UGT1A8: variants seen among roughly 807,000 people sequenced by gnomAD.
The protein encoded by UGT1A8 is UDP-glucuronosyltransferase 1A8.
A neutral mutation model predicts 45.3 loss-of-function variants in UGT1A8; 39 were observed. That is an observed-to-expected ratio of 0.86 (90% CI 0.67 to 1.12). The LOEUF (loss-of-function observed/expected upper bound fraction) is 1.12, where lower values mean the gene tolerates loss of function less well. Among genes scored for constraint, UGT1A8 ranks in the 50% most tolerant of loss-of-function variants. The pLI is 0.00. For missense variants in UGT1A8, 719 were observed against 664.9 expected, an observed-to-expected ratio of 1.08 and a Z score of -0.90; for synonymous variants, 275 against 249.2, an observed-to-expected ratio of 1.10 and a Z score of -0.97.
intron 1 of UGT1A8, among the ~76,000 whole-genome samples, chr2:233,619,339 ATTGATATATGT>A (rs1288421311): frequency 6.6e-6 from 1 of 152,144 alleles, no homozygotes. Flanking sequence ...ACCAATTAAT[ATTGATATATGT>A]TTAGGCATTT....
At chr2:233,646,883 C>T (rs1411415408) in intron 1 of UGT1A8, among the ~76,000 whole-genome samples, 7 of 152,176 alleles carry the variant, frequency 4.6e-5, no homozygotes, top group African/African-American at 1.7e-4. Context: ...AGTAGCAATC[C>T]ACTCTACTGG....
chr2:233,700,469 A>G (rs997170910), intron 1 of UGT1A8, among the ~76,000 whole-genome samples: 5 of 152,226 alleles, frequency 3.3e-5, no homozygotes, highest in Admixed American at 3.3e-4. Context: ...AGCTAAAAAA[A>G]GTATTCAACA....
intron 1 of UGT1A8, among the ~76,000 whole-genome samples, chr2:233,720,365 G>C (rs920594093): frequency 6.6e-6 from 1 of 152,064 alleles, no homozygotes; most frequent in East Asian, 1.9e-4. Context: ...ATGTCAAAAG[G>C]GTCTTCTACT....
At chr2:233,755,026 G>C (rs776900288) in intron 1 of UGT1A8, 1 of 1,306,868 alleles carries the variant, frequency 7.7e-7, no homozygotes, top group Admixed American at 1.9e-5. Context: ...TCCTTGAAGG[G>C]CCTGCCGCCT....
chr2:233,640,753 C>T (rs1334385606), intron 1 of UGT1A8, among the ~76,000 whole-genome samples: 2 of 152,106 alleles, frequency 1.3e-5, no homozygotes, highest in African/African-American at 4.8e-5. Flanking sequence ...GGCCAACAAT[C>T]TTAGGTAGGG....
At chr2:233,667,255 C>T (rs1398864007) in intron 1 of UGT1A8, among the ~76,000 whole-genome samples, 2 of 152,154 alleles carry the variant, frequency 1.3e-5, no homozygotes, top group Non-Finnish European at 2.9e-5. Flanking sequence ...AACTAGTTTA[C>T]AGTCCCACAA....
chr2:233,659,576 A>T (rs2073925468), intron 1 of UGT1A8, among the ~76,000 whole-genome samples: 1 of 152,074 alleles, frequency 6.6e-6, no homozygotes, highest in Non-Finnish European at 1.5e-5. Flanking sequence ...GAGGAAGAGG[A>T]GGGGTTGGTC....
intron 1 of UGT1A8, chr2:233,755,763 T>G (rs1382676061): frequency 6.5e-6 from 1 of 152,928 alleles, no homozygotes; most frequent in Non-Finnish European, 1.5e-5. Context: ...TTTGCTTTTG[T>G]TCATCTGGAT....
intron 1 of UGT1A8, among the ~76,000 whole-genome samples, chr2:233,619,600 T>A (rs1336452192): frequency 6.6e-6 from 1 of 152,188 alleles, no homozygotes; most frequent in Non-Finnish European, 1.5e-5. Flanking sequence ...AAATTTTCAC[T>A]ATATAAGCAT....
chr2:233,767,556 C>T (rs1699418440), intron 2 of UGT1A8, among the ~76,000 whole-genome samples: 1 of 152,172 alleles, frequency 6.6e-6, no homozygotes, highest in African/African-American at 2.4e-5. Flanking sequence ...GTTCTGCATC[C>T]ACTTGTTTCA....
intron 1 of UGT1A8, among the ~76,000 whole-genome samples, chr2:233,647,124 G>A (rs752045421): frequency 5.3e-5 from 8 of 152,144 alleles, no homozygotes; most frequent in Non-Finnish European, 1.0e-4. Flanking sequence ...ACCAGATCTC[G>A]TGAGACTTAC....
chr2:233,762,993 G>T (rs1698210222), intron 1 of UGT1A8, among the ~76,000 whole-genome samples: 1 of 152,172 alleles, frequency 6.6e-6, no homozygotes, highest in Non-Finnish European at 1.5e-5. Flanking sequence ...AGTGGAAATT[G>T]ATTATCATTT....
intron 1 of UGT1A8, among the ~76,000 whole-genome samples, chr2:233,699,217 A>G (rs17863786): frequency 0.034 from 5,148 of 152,236 alleles, 109 homozygotes; most frequent in African/African-American, 0.056. Flanking sequence ...CATGAAAAAA[A>G]AACAAAAACG....
intron 1 of UGT1A8, among the ~76,000 whole-genome samples, chr2:233,717,530 G>A (rs1276644259): frequency 6.6e-6 from 1 of 152,220 alleles, no homozygotes; most frequent in African/African-American, 2.4e-5. Flanking sequence ...CCTCCATAAG[G>A]GAAGCCTCAG....
chr2:233,679,009 C>T (rs942961377), intron 1 of UGT1A8, among the ~76,000 whole-genome samples: 1 of 152,216 alleles, frequency 6.6e-6, no homozygotes, highest in Non-Finnish European at 1.5e-5. Context: ...GTGGCATCTT[C>T]AGTGGTGTAA....
chr2:233,744,767 T>G (rs1692915618), intron 1 of UGT1A8, among the ~76,000 whole-genome samples: 1 of 151,916 alleles, frequency 6.6e-6, no homozygotes, highest in Non-Finnish European at 1.5e-5. Flanking sequence ...GTTTTAACTT[T>G]GCAAAATTCT....
chr2:233,699,298 T>C (rs2075497372), intron 1 of UGT1A8, among the ~76,000 whole-genome samples: 1 of 152,206 alleles, frequency 6.6e-6, no homozygotes, highest in Admixed American at 6.5e-5. Flanking sequence ...GGGACACTCT[T>C]ATGCTGTCCT....
At chr2:233,726,238 A>G (rs935075477) in intron 1 of UGT1A8, among the ~76,000 whole-genome samples, 11 of 152,220 alleles carry the variant, frequency 7.2e-5, no homozygotes, top group East Asian at 3.8e-4. Context: ...TAAAACTCCA[A>G]TATGAAAAGC....
intron 1 of UGT1A8, among the ~76,000 whole-genome samples, chr2:233,665,135 T>G (rs2074046506): frequency 6.6e-6 from 1 of 152,236 alleles, no homozygotes; most frequent in Non-Finnish European, 1.5e-5. Flanking sequence ...GACATATTGT[T>G]CTTTACTTTG....
Sources: allele counts gnomAD v4.1 joint callset (sites outside exome capture counted in the v4.1 genomes callset), GRCh38; gene constraint gnomAD v4.1.1; transcripts MANE v1.5; gene names NCBI Gene and HGNC (gene_info 2026-07-23, HGNC 2026-07-21).